NCBP1: variants seen among roughly 807,000 people sequenced by gnomAD.
NCBP1 encodes nuclear cap binding protein subunit 1, also known as nuclear cap-binding protein subunit 1.
In NCBP1, 16 loss-of-function variants were observed where a neutral mutation model predicts 111.7. That is an observed-to-expected ratio of 0.14 (90% confidence interval 0.10 to 0.22). The LOEUF is 0.22. Among genes scored for constraint, NCBP1 ranks in the 10% least tolerant of loss-of-function variants. The probability of loss-of-function intolerance (pLI) is 1.00; values close to 1 mark genes in which losing one functional copy is unlikely to be tolerated. For synonymous variants in NCBP1, 304 were observed against 314.3 expected, an observed-to-expected ratio of 0.97 and a Z score of 0.35; for missense variants, 607 against 957.5, an observed-to-expected ratio of 0.63 and a Z score of 4.83.
intron 17 of NCBP1, 96 bp from the exon 18 acceptor site, chr9:97,662,858 G>T: frequency 2.3e-6 from 2 of 860,496 alleles, no homozygotes; most frequent in Non-Finnish European, 3.7e-6. Context: ...TTTATATATT[G>T]CATTATAAAT....
In NCBP1 at chr9:97,634,014, C is replaced by T. The variant is rs1191375948; in HGVS notation, c.34+99C>T. The T allele has an allele frequency of 8.2e-6, 11 of 1,333,482 alleles. No homozygotes were observed. The African/African-American group carries it at 1.2e-4, about 15-fold the overall frequency. The allele number at this position is 1,333,482 out of a possible 1,614,324, so 82.6% of individuals were successfully genotyped here. On this transcript the variant is annotated intron_variant, in intron 1 of 22. Transcript: ENST00000375147. ...GGAAGAGACTGGAAGCTCTTCTCCC[C>T]GGGAACGTGCGGGGAGCCGCGGAGG...
intron 14 of NCBP1, among the ~76,000 whole-genome samples, chr9:97,656,508 G>A (rs1035143562): frequency 1.3e-5 from 2 of 151,992 alleles, no homozygotes; most frequent in Non-Finnish European, 2.9e-5. Context: ...CCAAGATGGC[G>A]CCACTGCACT....
At chr9:97,662,608 C>T (rs1271906483) in intron 17 of NCBP1, among the ~76,000 whole-genome samples, 2 of 152,204 alleles carry the variant, frequency 1.3e-5, no homozygotes, top group African/African-American at 4.8e-5. Flanking sequence ...GGACATCTCA[C>T]CCCATCTCTG....
intron 10 of NCBP1, 63 bp from the exon 11 acceptor site, chr9:97,653,735 T>G: frequency 8.2e-7 from 1 of 1,217,478 alleles, no homozygotes; most frequent in Non-Finnish European, 1.2e-6. Context: ...AATGTTAAGG[T>G]CTTTCTAATA....
In NCBP1 at chr9:97,662,056, T is replaced by C. The variant is rs1349230256; in HGVS notation, c.1615T>C (p.Phe539Leu). 1.2e-6 allele frequency: 2 copies of C among 1,613,092 alleles called. No homozygotes were observed. Among genetic ancestry groups the C allele is most frequent in the Non-Finnish European group, 1.7e-6 (2 of 1,179,102 alleles). The change falls in exon 17 of 23, where the codon TTT (phenylalanine) becomes CTT (leucine). Residue 539 changes from phenylalanine to leucine, a missense_variant. Physicochemically the swap from Phe to Leu is conservative, Grantham distance 22. Transcript: ENST00000375147. ...ATATTTTTCAGATGAAGGATTCAGT[T>C]TTAACCCATTGAAAATAGAAGTCTT... is the stretch of plus-strand genomic sequence containing the variant. ...QDDDDDEGFS[F>L]NPLKIEVFVQ...
chr9:97,646,839 CA>C (rs1199961668), intron 6 of NCBP1, among the ~76,000 whole-genome samples: 695 of 55,746 alleles, frequency 0.012, 1 homozygote, highest in Non-Finnish European at 0.014. Context: ...GACTCCGTCT[CA>C]AAAAAAAAAA....
intron 20 of NCBP1, 121 bp downstream of exon 20, chr9:97,666,998 GA>G (rs1828024334): frequency 1.4e-6 from 1 of 726,624 alleles, no homozygotes; most frequent in Non-Finnish European, 2.1e-6. Flanking sequence ...ATGCAGAGCA[GA>G]AATTTTTCTG....
At chr9:97,635,315 C>T (rs1187609666) in intron 1 of NCBP1, among the ~76,000 whole-genome samples, 2 of 152,162 alleles carry the variant, frequency 1.3e-5, no homozygotes, top group Admixed American at 1.3e-4. Context: ...CTCTTCACTA[C>T]ACAGGTATAA....
rs775656113 is a variant in NCBP1, at chr9:97,662,981, T to C, written c.1731T>C (p.Ala577=). 6.2e-7 allele frequency: 1 copy of C among 1,613,300 alleles called. No homozygotes were observed. The highest frequency in any genetic ancestry group is 1.1e-5 in the South Asian group (1 of 90,982). The part of the protein sequence containing the change: ...AKFHEVFKTL[A]ESDEGKLHVL... ...TTCATGAAGTCTTCAAAACCCTAGC[T>C]GAAAGTGATGAAGGAAAGTTACATG... The change falls in exon 18 of 23, where the codon GCT becomes GCC. Residue 577 remains alanine, a synonymous_variant. Transcript: ENST00000375147.
At chr9:97,649,738 AT>A (rs34699502) in intron 8 of NCBP1, among the ~76,000 whole-genome samples, 31 of 145,500 alleles carry the variant, frequency 2.1e-4, no homozygotes, top group Non-Finnish European at 1.8e-4. Context: ...GTGGTCGGGT[AT>A]TTTTTTTTTT....
intron 7 of NCBP1, 50 bp from the exon 8 acceptor site, chr9:97,647,958 C>A: frequency 7.1e-7 from 1 of 1,410,596 alleles, no homozygotes; most frequent in Non-Finnish European, 9.7e-7. Flanking sequence ...TTCATTTTGT[C>A]TAGTCAAAAT....
chr9:97,656,157 G>GCAGATGATGTGCAATATTCTGA, intron 14 of NCBP1, 72 bp downstream of exon 14: 2 of 1,220,048 alleles, frequency 1.6e-6, no homozygotes, highest in South Asian at 2.5e-5. Flanking sequence ...CTTGTGATGT[G>GCAGATGATGTGCAATATTCTGA]TGTTCAGAAT....
chr9:97,636,483 A>G (rs1473877530), intron 1 of NCBP1, among the ~76,000 whole-genome samples: 2 of 137,808 alleles, frequency 1.5e-5, no homozygotes, highest in East Asian at 2.0e-4. Context: ...ATATATTTAT[A>G]TATTATATAA....
chr9:97,665,426 C>T lies in NCBP1; in HGVS notation c.1901+983C>T, dbSNP rs114046618. Among the ~76,000 whole-genome samples, 933 of 152,292 alleles carry T rather than the reference C, an allele frequency of 6.1e-3. 13 individuals carry two copies. The highest frequency in any genetic ancestry group is 0.022 in the African/African-American group (906 of 41,556). ...AGGGAAGTGTCACAGAGTGCTTTAT[C>T]CTGCCCAAAGTCACACAACTAAGTG... is the stretch of plus-strand genomic sequence containing the variant. On this transcript the variant is annotated intron_variant, in intron 19 of 22. Coordinates refer to ENST00000375147, the MANE Select transcript of NCBP1 (RefSeq NM_002486.5).
intron 1 of NCBP1, among the ~76,000 whole-genome samples, chr9:97,637,463 A>G (rs1423900890): frequency 6.6e-6 from 1 of 152,226 alleles, no homozygotes; most frequent in Non-Finnish European, 1.5e-5. Context: ...AATTTGGGCA[A>G]TTTACAAAAA....
intron 14 of NCBP1, among the ~76,000 whole-genome samples, chr9:97,658,010 G>A (rs952689435): frequency 1.2e-4 from 17 of 146,862 alleles, no homozygotes; most frequent in African/African-American, 4.0e-4. Flanking sequence ...ATCATCTTGC[G>A]TTTTCTTGCC....
Position 97,662,011 on chromosome 9 carries a change from T to A in NCBP1, c.1601-31T>A, listed in dbSNP as rs373844784. The A allele has an allele frequency of 3.4e-4, 522 of 1,531,726 alleles. 1 individual carries two copies. Among genetic ancestry groups the A allele is most frequent in the Non-Finnish European group, 4.6e-4 (505 of 1,107,106 alleles). The allele number at this position is 1,531,726 out of a possible 1,614,324, so 94.9% of individuals were successfully genotyped here. A position where few individuals can be genotyped will look rare whatever the true frequency, so the allele number is the denominator to read the frequency against. ...GCACCAAGGAATTGCTGTGCTTACA[T>A]TTTTCTGTTTTACTATAAAATATTT... is the stretch of plus-strand genomic sequence containing the variant. On this transcript the variant is annotated intron_variant, in intron 16 of 22. Transcript: ENST00000375147.
chr9:97,641,712 C>A, intron 3 of NCBP1, 50 bp downstream of exon 3: 1 of 1,464,860 alleles, frequency 6.8e-7, no homozygotes, highest in South Asian at 1.3e-5. Flanking sequence ...ATTATCTACT[C>A]TTAAATGCTT....
At chr9:97,638,048 A>G (rs1827100070) in intron 1 of NCBP1, among the ~76,000 whole-genome samples, 2 of 152,342 alleles carry the variant, frequency 1.3e-5, no homozygotes, top group East Asian at 1.9e-4. Flanking sequence ...GGGAACTACC[A>G]TAGATACGTT....
Sources: gnomAD v4.1 joint callset for allele counts (sites outside exome capture counted in the v4.1 genomes callset) on GRCh38, gnomAD v4.1.1 for gene constraint, MANE v1.5 for transcripts, NCBI Gene and HGNC (gene_info 2026-07-23, HGNC 2026-07-21) for gene names.